The following ZNF345 variants were observed in gnomAD, a reference collection of about 807,000 sequenced individuals.
The protein encoded by ZNF345 is zinc finger protein 345.
For missense variants in ZNF345, 527 were observed against 589.9 expected, an observed-to-expected ratio of 0.89 and a Z score of 1.10; for synonymous variants, 166 against 187.9, an observed-to-expected ratio of 0.88 and a Z score of 0.95.
chr19:36,891,324 C>T (rs757550264), intron 3 of ZNF345: 46 of 616,956 alleles, frequency 7.5e-5, no homozygotes, highest in Non-Finnish European at 1.2e-4. Flanking sequence ...GAATAAATTT[C>T]TCTTGTTTTA....
rs766237674 is a variant in ZNF345 at position 36,878,316 on chromosome 19, G to C, written c.*19G>C. 7 of 1,542,170 alleles carry C rather than the reference G, an allele frequency of 4.5e-6. No individual in the cohort carries two copies. Among genetic ancestry groups the C allele is most frequent in the African/African-American group, 1.4e-5 (1 of 72,276 alleles). On this transcript the variant is annotated 3_prime_UTR_variant, in exon 3 of 3. Transcript: ENST00000420450. ...AAATTGAAATTATGTGCTGAAGGAA[G>C]GACTCTAAACATATGACTTAAGAAA...
chr19:36,860,556 C>T (rs537716598), intron 2 of ZNF345, among the ~76,000 whole-genome samples: 1 of 152,150 alleles, frequency 6.6e-6, no homozygotes, highest in African/African-American at 2.4e-5. Flanking sequence ...AGAGGAGAAG[C>T]CATTTATTTT....
At chr19:36,860,854 A>G (rs1034778717) in intron 2 of ZNF345, among the ~76,000 whole-genome samples, 2 of 152,166 alleles carry the variant, frequency 1.3e-5, no homozygotes, top group African/African-American at 2.4e-5. Flanking sequence ...CTACTCACCA[A>G]ACTTTTCCCC....
intron 2 of ZNF345, among the ~76,000 whole-genome samples, chr19:36,852,128 C>CTTTTTTT (rs35747733): frequency 2.0e-4 from 21 of 102,668 alleles, no homozygotes; most frequent in South Asian, 3.3e-4. Flanking sequence ...TTCTTTCTTT[C>CTTTTTTT]TTTTTTTTTT....
intron 3 of ZNF345, chr19:36,889,072 T>C (rs2073025701): frequency 6.6e-6 from 1 of 152,206 alleles, no homozygotes. Flanking sequence ...GGCTTATTTT[T>C]AATTCTGTGT....
At chr19:36,870,620 C>T (rs1006765397) in intron 2 of ZNF345, among the ~76,000 whole-genome samples, 5 of 152,106 alleles carry the variant, frequency 3.3e-5, no homozygotes, top group Admixed American at 1.3e-4. Context: ...TGGAATTCTA[C>T]ATTAAAAATA....
rs1343215842 is a variant in ZNF345 at position 36,878,043 on chromosome 19, A to C, written c.1213A>C (p.Lys405Gln). Residue 405 changes from lysine (K) to glutamine (Q), a missense_variant, in exon 3 of 3, where the codon AAG becomes CAG. Coordinates refer to ENST00000420450, the MANE Select transcript of ZNF345 (RefSeq NM_001242472.2). ...ACCCTATGAATGTAAAGAATGTGGAAAGTCCTTTAGTAGTGGTTCAGCTCT... is the reference window on the plus strand; with the variant it reads ...ACCCTATGAATGTAAAGAATGTGGACAGTCCTTTAGTAGTGGTTCAGCTCT... ...ERPYECKECG[K>Q]SFSSGSALNR... 1.2e-6 allele frequency: 2 copies of C among 1,613,978 alleles called. No individual in the cohort carries two copies. Among genetic ancestry groups the C allele is most frequent in the African/African-American group, 1.3e-5 (1 of 74,914 alleles).
At chr19:36,861,419 A>G (rs2072544182) in intron 2 of ZNF345, among the ~76,000 whole-genome samples, 1 of 152,204 alleles carries the variant, frequency 6.6e-6, no homozygotes, top group African/African-American at 2.4e-5. Context: ...GGCTTCCATT[A>G]TCCTCATTAG....
intron 3 of ZNF345, chr19:36,890,213 A>G (rs2073036828): frequency 6.6e-6 from 1 of 152,138 alleles, no homozygotes; most frequent in Non-Finnish European, 1.5e-5. Context: ...TGTTCCATGC[A>G]CAGAAGAGAA....
intron 3 of ZNF345, among the ~76,000 whole-genome samples, chr19:36,884,782 C>T (rs759875914): frequency 4.6e-5 from 7 of 152,170 alleles, no homozygotes; most frequent in Non-Finnish European, 8.8e-5. Context: ...TTGGGCAGGA[C>T]ATTCCAGAGG....
intron 3 of ZNF345, chr19:36,890,006 C>T (rs1262194847): frequency 6.6e-6 from 1 of 152,062 alleles, no homozygotes; most frequent in Non-Finnish European, 1.5e-5. Context: ...TAAATTTCCA[C>T]CTTAGTTTCA....
At chr19:36,866,739 C>G (rs572750973) in intron 2 of ZNF345, among the ~76,000 whole-genome samples, 3 of 151,996 alleles carry the variant, frequency 2.0e-5, no homozygotes, top group Non-Finnish European at 4.4e-5. Flanking sequence ...TTAGTAGAGA[C>G]GGGGTTTCAC....
At chr19:36,887,982 T>C (rs968428575) in intron 3 of ZNF345, 1 of 152,104 alleles carries the variant, frequency 6.6e-6, no homozygotes, top group African/African-American at 2.4e-5. Context: ...TTTCTGCTTA[T>C]TAAAAAATAC....
At chr19:36,892,541 G>C in intron 3 of ZNF345, 8 of 1,428,624 alleles carry the variant, frequency 5.6e-6, no homozygotes, top group Non-Finnish European at 7.5e-6. Context: ...AAAAGAAATG[G>C]GAGAATTAAA....
chr19:36,872,850 C>T (rs1600711369), intron 2 of ZNF345: 1 of 152,170 alleles, frequency 6.6e-6, no homozygotes, highest in Non-Finnish European at 1.5e-5. Context: ...ATATCCTTTT[C>T]CGCAGCACAA....
intron 2 of ZNF345, among the ~76,000 whole-genome samples, chr19:36,858,535 G>A (rs182083183): frequency 2.6e-5 from 4 of 152,262 alleles, no homozygotes; most frequent in South Asian, 2.1e-4. Context: ...GGAGGAAGGC[G>A]GGCGGCGGAT....
chr19:36,872,368 G>A (rs1215808618), intron 2 of ZNF345, among the ~76,000 whole-genome samples: 1 of 152,174 alleles, frequency 6.6e-6, no homozygotes, highest in Non-Finnish European at 1.5e-5. Context: ...CCTAATGGCA[G>A]GTGTTTCAGT....
At chr19:36,863,069 A>G (rs1487232267) in intron 2 of ZNF345, 3 of 152,342 alleles carry the variant, frequency 2.0e-5, no homozygotes, top group East Asian at 1.9e-4. Context: ...ACTGATGTCC[A>G]TAACTGTGAA....
chr19:36,865,840 C>T (rs2072648493), intron 2 of ZNF345, among the ~76,000 whole-genome samples: 1 of 152,146 alleles, frequency 6.6e-6, no homozygotes, highest in Non-Finnish European at 1.5e-5. Flanking sequence ...AAATTACCTT[C>T]CACTCATAGC....
Sources: gnomAD v4.1 joint callset for allele counts (sites outside exome capture counted in the v4.1 genomes callset) on GRCh38, gnomAD v4.1.1 for gene constraint, MANE v1.5 for transcripts, NCBI Gene and HGNC (gene_info 2026-07-23, HGNC 2026-07-21) for gene names.